CSNK1G1: variants seen among roughly 807,000 people sequenced by gnomAD.
CSNK1G1 encodes casein kinase 1 gamma 1.
CSNK1G1 carries 22 observed loss-of-function variants against 59.6 expected under a neutral mutation model. The observed-to-expected ratio is 0.37, with a 90% CI of 0.26 to 0.53. The LOEUF (loss-of-function observed/expected upper bound fraction) is 0.53. Among genes scored for constraint, CSNK1G1 ranks in the 20% least tolerant of loss-of-function variants. CSNK1G1 has a pLI of 0.89. For missense variants in CSNK1G1, 384 were observed against 519.5 expected (o/e 0.74, Z 2.54); for synonymous variants, 179 against 177.1 (o/e 1.01, Z -0.08).
chr15:64,300,792 A>G, intron 1 of CSNK1G1, 69 bp from the exon 2 acceptor site: 1 of 957,920 alleles, frequency 1.0e-6, no homozygotes, highest in Non-Finnish European at 1.4e-6. Context: ...AGTCACTACC[A>G]ATTAGAATGA....
intron 2 of CSNK1G1, among the ~76,000 whole-genome samples, chr15:64,266,479 T>C (rs1204222929): frequency 3.3e-5 from 5 of 151,974 alleles, no homozygotes; most frequent in Non-Finnish European, 7.4e-5. Context: ...GCAATCTCTA[T>C]CAAAATACCA....
chr15:64,271,140 A>G (rs1893280218), intron 2 of CSNK1G1, among the ~76,000 whole-genome samples: 2 of 151,890 alleles, frequency 1.3e-5, no homozygotes, highest in South Asian at 4.2e-4. Context: ...GGCATGTACC[A>G]CCACACCTAG....
intron 2 of CSNK1G1, among the ~76,000 whole-genome samples, chr15:64,277,682 G>GCAATATTGATATATTTAATAATATAT (rs1893759425): frequency 3.3e-5 from 3 of 89,802 alleles, no homozygotes; most frequent in South Asian, 3.1e-4. Flanking sequence ...TAATAATATA[G>GCAATATTGATATATTTAATAATATAT]CAATATTGAT....
In CSNK1G1 at chr15:64,213,972, G is replaced by C. The variant is rs377360552; in HGVS notation, c.597C>G (p.Thr199=). The change falls in exon 6 of 12, where the codon ACC becomes ACG. Residue 199 remains threonine, a synonymous_variant. Transcript: ENST00000303052. ...GLAKEYIDPE[T]KKHIPYREHK... The stretch of plus-strand genomic sequence containing the variant: ...GTTCCCTATAAGGTATGTGTTTTTT[G>C]GTTTCGGGGTCAATGTATTCCTTGG... The C allele has an allele frequency of 8.2e-5, 132 of 1,613,880 alleles. No individual in the cohort carries two copies. Among genetic ancestry groups the C allele is most frequent in the Middle Eastern group, 6.6e-4 (4 of 6,082 alleles).
At chr15:64,294,271 A>G (rs1005586641) in intron 2 of CSNK1G1, among the ~76,000 whole-genome samples, 3 of 151,930 alleles carry the variant, frequency 2.0e-5, no homozygotes, top group African/African-American at 7.3e-5. Context: ...ATGGGGTTTC[A>G]CCATGTTGGC....
chr15:64,320,434 T>G (rs12907137), intron 1 of CSNK1G1, among the ~76,000 whole-genome samples: 1,670 of 152,024 alleles, frequency 0.011, 16 homozygotes, highest in Non-Finnish European at 0.015. Flanking sequence ...ATCCCAGCAC[T>G]TTGGGAGGCT....
At chr15:64,197,413 A>G (rs1263319093) in intron 10 of CSNK1G1, among the ~76,000 whole-genome samples, 2 of 152,218 alleles carry the variant, frequency 1.3e-5, no homozygotes, top group African/African-American at 4.8e-5. Context: ...TTCAAACTCA[A>G]GATGCCTAAA....
Position 64,300,536 on chromosome 15 carries a change from T to C in CSNK1G1, c.-37A>G, listed in dbSNP as rs1895271000. 2 of 1,593,176 alleles carry C rather than the reference T, an allele frequency of 1.3e-6. No individual in the cohort carries two copies. The highest frequency in any genetic ancestry group is 1.7e-6 in the Non-Finnish European group (2 of 1,168,382). On this transcript the variant is annotated 5_prime_UTR_variant, in exon 2 of 12. Coordinates refer to ENST00000303052, the MANE Select transcript of CSNK1G1 (RefSeq NM_022048.5). Reference sequence around the variant, plus strand: ...ACAGAGTCTCCTATAGTACAGCAAGTAGCTTCAGTATGTATACCTCTCTTC... The same window carrying C: ...ACAGAGTCTCCTATAGTACAGCAAGCAGCTTCAGTATGTATACCTCTCTTC...
chr15:64,230,443 C>T (rs760669949), intron 4 of CSNK1G1, among the ~76,000 whole-genome samples: 76 of 151,502 alleles, frequency 5.0e-4, no homozygotes, highest in Non-Finnish European at 6.6e-4. Context: ...GACTTACAGA[C>T]GTGTGACACC....
rs1484912030 is a variant in CSNK1G1, at chr15:64,339,351, C to T, written c.-225+16637G>A. On this transcript the variant is annotated intron_variant, in intron 1 of 11. Coordinates refer to ENST00000303052, the MANE Select transcript of CSNK1G1 (RefSeq NM_022048.5). Reference sequence around the variant, plus strand: ...GTTTTGAGGTAGAGTCTCACTCTCTCGCCCAAGGGGGAGTGCAGTGGCACA... The same window carrying T: ...GTTTTGAGGTAGAGTCTCACTCTCTTGCCCAAGGGGGAGTGCAGTGGCACA... 2.6e-5 allele frequency among the ~76,000 whole-genome samples: 4 copies of T among 152,200 alleles called. No homozygotes were observed. In the East Asian group the frequency reaches 5.8e-4, roughly 22 times the overall value.
At chr15:64,235,495 C>T (rs2082602885) in intron 4 of CSNK1G1, among the ~76,000 whole-genome samples, 2 of 152,144 alleles carry the variant, frequency 1.3e-5, no homozygotes, top group Non-Finnish European at 2.9e-5. Flanking sequence ...AGTGATGCCT[C>T]AGTATTTCCA....
chr15:64,222,600 T>G (rs2082405705), intron 4 of CSNK1G1, among the ~76,000 whole-genome samples: 2 of 151,502 alleles, frequency 1.3e-5, no homozygotes, highest in African/African-American at 4.9e-5. Flanking sequence ...AAATAACGTG[T>G]GGCACCAATT....
chr15:64,304,154 G>A (rs988814412), intron 1 of CSNK1G1, among the ~76,000 whole-genome samples: 5 of 151,908 alleles, frequency 3.3e-5, no homozygotes, highest in Non-Finnish European at 5.9e-5. Flanking sequence ...TTGGGAGGCC[G>A]AGGTGGGCAG....
intron 2 of CSNK1G1, among the ~76,000 whole-genome samples, chr15:64,298,678 G>A (rs1027339223): frequency 6.6e-6 from 1 of 152,068 alleles, no homozygotes; most frequent in African/African-American, 2.4e-5. Flanking sequence ...TTTCTCCAAG[G>A]CTCTCTATGG....
At chr15:64,198,265 T>C (rs1309044229) in intron 10 of CSNK1G1, among the ~76,000 whole-genome samples, 1 of 149,238 alleles carries the variant, frequency 6.7e-6, no homozygotes, top group Non-Finnish European at 1.5e-5. Flanking sequence ...CACAGTCTCA[T>C]GTGCACTGGC....
At chr15:64,340,763 G>GGGCA (rs1347043111) in intron 1 of CSNK1G1, among the ~76,000 whole-genome samples, 2 of 152,132 alleles carry the variant, frequency 1.3e-5, no homozygotes, top group African/African-American at 4.8e-5. Flanking sequence ...AGACCAGACT[G>GGGCA]GGCAATATGG....
At chr15:64,346,957 C>G (rs1041277569) in intron 1 of CSNK1G1, among the ~76,000 whole-genome samples, 10 of 152,104 alleles carry the variant, frequency 6.6e-5, no homozygotes, top group Admixed American at 6.6e-4. Context: ...CCACTTAAAA[C>G]TCAACAAGAA....
chr15:64,250,828 A>G (rs745398238), intron 4 of CSNK1G1, among the ~76,000 whole-genome samples: 25 of 152,236 alleles, frequency 1.6e-4, no homozygotes, highest in Admixed American at 1.2e-3. Flanking sequence ...TGAAGGGGGC[A>G]TAAAGCAGAG....
intron 4 of CSNK1G1, among the ~76,000 whole-genome samples, chr15:64,226,584 C>CAA (rs544166134): frequency 8.4e-6 from 1 of 118,956 alleles, no homozygotes. Flanking sequence ...ACAAACAAAC[C>CAA]AAAAAAAAAA....
Sources: gnomAD v4.1 joint callset for allele counts (sites outside exome capture counted in the v4.1 genomes callset) on GRCh38, gnomAD v4.1.1 for gene constraint, MANE v1.5 for transcripts, NCBI Gene and HGNC (gene_info 2026-07-23, HGNC 2026-07-21) for gene names.